The following SYNPR variants were observed in gnomAD, a reference collection of about 807,000 sequenced individuals.
SYNPR encodes synaptoporin.
Under a neutral mutation model 32.9 loss-of-function variants are expected in SYNPR, and 23 were observed. That is an observed-to-expected ratio of 0.70 (90% CI 0.50 to 0.99). The LOEUF (loss-of-function observed/expected upper bound fraction) is 0.99. Among genes scored for constraint, SYNPR ranks in the 50% least tolerant of loss-of-function variants. The pLI is 0.00. For synonymous variants in SYNPR, 146 were observed against 135.9 expected (o/e 1.07, Z -0.52); for missense variants, 318 against 349.3 (o/e 0.91, Z 0.71).
chr3:63,503,654 T>C (rs6779420), intron 3 of SYNPR, among the ~76,000 whole-genome samples: 43,283 of 151,858 alleles, frequency 0.29, 7,125 homozygotes, highest in African/African-American at 0.46. Flanking sequence ...AGTTTTGTCA[T>C]TTGTTTACAT....
intron 2 of SYNPR, among the ~76,000 whole-genome samples, chr3:63,349,704 A>C (rs2087480873): frequency 6.6e-6 from 1 of 151,798 alleles, no homozygotes; most frequent in Admixed American, 6.6e-5. Flanking sequence ...TTTTTGGAGG[A>C]GTCTTTAGGG....
intron 2 of SYNPR, among the ~76,000 whole-genome samples, chr3:63,468,194 CAAA>C (rs552378431): frequency 0.057 from 4,601 of 80,798 alleles, 198 homozygotes; most frequent in African/African-American, 0.18. Context: ...AACTCCATCT[CAAA>C]AAAAAAAAAA....
At chr3:63,256,175 C>A (rs376692484) in intron 2 of SYNPR, among the ~76,000 whole-genome samples, 12 of 152,346 alleles carry the variant, frequency 7.9e-5, no homozygotes, top group Admixed American at 6.5e-4. Flanking sequence ...GCAGCAGAAA[C>A]CTCTGTAGAC....
upstream of SYNPR, among the ~76,000 whole-genome samples, chr3:63,277,435 T>C (rs11921243): frequency 0.071 from 10,780 of 151,982 alleles, 422 homozygotes; most frequent in African/African-American, 0.095. Flanking sequence ...AAGAAAACAG[T>C]CTAACTTTGG....
intron 2 of SYNPR, among the ~76,000 whole-genome samples, chr3:63,405,557 T>A (rs1426601195): frequency 2.0e-5 from 3 of 152,072 alleles, no homozygotes; most frequent in African/African-American, 7.2e-5. Flanking sequence ...GCCCATAGAC[T>A]GTGTTAAAGA....
chr3:63,284,087 C>T (rs9311864), intron 2 of SYNPR, among the ~76,000 whole-genome samples: 10,873 of 152,190 alleles, frequency 0.071, 419 homozygotes, highest in Middle Eastern at 0.099. Context: ...GGATTACAGG[C>T]GTGAGCTACC....
intron 2 of SYNPR, among the ~76,000 whole-genome samples, chr3:63,303,236 T>G (rs774447779): frequency 2.2e-4 from 33 of 151,940 alleles, no homozygotes; most frequent in Middle Eastern, 3.4e-3. Flanking sequence ...CACTTCTAAA[T>G]ATCACTGCTA....
intron 2 of SYNPR, among the ~76,000 whole-genome samples, chr3:63,290,616 A>G (rs1313530488): frequency 1.3e-5 from 2 of 152,202 alleles, no homozygotes; most frequent in African/African-American, 4.8e-5. Context: ...AAAAAATTCA[A>G]ATTCAGAAAT....
intron 3 of SYNPR, among the ~76,000 whole-genome samples, chr3:63,270,914 CTTCCTTCCTTCTTTCT>C (rs1560174561): frequency 2.7e-4 from 20 of 73,400 alleles, no homozygotes; most frequent in African/African-American, 8.0e-4. Flanking sequence ...TCCTTCCTTC[CTTCCTTCCTTCTTTCT>C]TTCCTTCCTT....
chr3:63,240,866 C>T (rs2086236269), intron 1 of SYNPR, among the ~76,000 whole-genome samples: 1 of 152,094 alleles, frequency 6.6e-6, no homozygotes, highest in African/African-American at 2.4e-5. Context: ...ACATCACCAG[C>T]TAATTGCCCT....
chr3:63,275,043 A>G (rs900707916), upstream of SYNPR, among the ~76,000 whole-genome samples: 1 of 152,228 alleles, frequency 6.6e-6, no homozygotes, highest in Non-Finnish European at 1.5e-5. Context: ...TTACATAATC[A>G]ACACTGGCCA....
intron 2 of SYNPR, among the ~76,000 whole-genome samples, chr3:63,259,838 C>A (rs147665626): frequency 6.6e-6 from 1 of 152,098 alleles, no homozygotes; most frequent in Non-Finnish European, 1.5e-5. Flanking sequence ...TCGTCTCAGC[C>A]CAGAATCTCC....
intron 4 of SYNPR, among the ~76,000 whole-genome samples, chr3:63,584,734 C>A (rs1290311219): frequency 6.6e-6 from 1 of 151,996 alleles, no homozygotes; most frequent in African/African-American, 2.4e-5. Flanking sequence ...GTTGAACTGG[C>A]AGAATGAGAC....
intron 1 of SYNPR, among the ~76,000 whole-genome samples, chr3:63,242,636 A>C (rs2086257206): frequency 2.6e-5 from 4 of 152,020 alleles, no homozygotes; most frequent in African/African-American, 9.7e-5. Flanking sequence ...CATATCTCCA[A>C]AACCCAGACT....
intron 4 of SYNPR, among the ~76,000 whole-genome samples, chr3:63,601,444 G>A (rs768557393): frequency 3.9e-4 from 59 of 151,994 alleles, no homozygotes; most frequent in Admixed American, 9.8e-4. Context: ...CAATTATTTC[G>A]TCATCTAGGT....
At chr3:63,470,173 A>T (rs1010363477) in intron 2 of SYNPR, among the ~76,000 whole-genome samples, 33 of 151,792 alleles carry the variant, frequency 2.2e-4, no homozygotes, top group Non-Finnish European at 4.3e-4. Context: ...AAATTTCTGT[A>T]AAAAAGTATA....
Position 63,343,228 on chromosome 3 carries a change from G to T in SYNPR, c.84+64486G>T, listed in dbSNP as rs188210111. Reference sequence around the variant, plus strand: ...ATGCAGTAGCTTTGGGTCATGGGAAGGCACTTAGGTACTGTAGGTGTGCTG... The same window carrying T: ...ATGCAGTAGCTTTGGGTCATGGGAATGCACTTAGGTACTGTAGGTGTGCTG... On this transcript the variant is annotated intron_variant, in intron 2 of 5. Transcript: ENST00000478300. Among the ~76,000 whole-genome samples, 65 of 152,258 alleles carry T rather than the reference G, an allele frequency of 4.3e-4. 2 individuals carry two copies. Among genetic ancestry groups the T allele is most frequent in the African/African-American group, 1.5e-3 (62 of 41,538 alleles).
chr3:63,253,145 G>A lies in SYNPR; in HGVS notation n.154+559G>A, dbSNP rs1169945574. On this transcript the variant is annotated intron_variant and non_coding_transcript_variant, in intron 2 of 4. Transcript: ENST00000478456. Reference sequence around the variant, plus strand: ...TATAGAACTGTTTTTAGAGTTTATGGCACATTCTTTTGAATGTTCAGATGC... The same window carrying A: ...TATAGAACTGTTTTTAGAGTTTATGACACATTCTTTTGAATGTTCAGATGC... Among the ~76,000 whole-genome samples the A allele has an allele frequency of 2.0e-5, 3 of 151,914 alleles. No individual in the cohort carries two copies. The East Asian group carries it at 5.8e-4, about 29-fold the overall frequency.
chr3:63,452,172 G>A, intron 2 of SYNPR: 1 of 698,992 alleles, frequency 1.4e-6, no homozygotes, highest in South Asian at 1.5e-5. Flanking sequence ...TCATTCATTT[G>A]TGCATTCTAT....
Sources: allele counts gnomAD v4.1 joint callset (sites outside exome capture counted in the v4.1 genomes callset), GRCh38; gene constraint gnomAD v4.1.1; transcripts MANE v1.5; gene names NCBI Gene and HGNC (gene_info 2026-07-23, HGNC 2026-07-21).